RAI1: variants seen among roughly 807,000 people sequenced by gnomAD.
The protein encoded by RAI1 is retinoic acid induced 1.
RAI1 carries 9 observed loss-of-function variants against 123.8 expected under a neutral mutation model. The ratio of observed to expected loss-of-function variants is 0.07; its 90% CI spans 0.04 to 0.13. The LOEUF is 0.13. Ranked by LOEUF, RAI1 falls within the 10% of genes least tolerant of loss-of-function variation. The pLI, the probability that RAI1 is intolerant of heterozygous loss-of-function variation, is 1.00. For missense variants in RAI1, 2,256 were observed against 2,545.8 expected (o/e 0.89, Z 2.45); for synonymous variants, 1,231 against 1,127.3 (o/e 1.09, Z -1.84).
intron 1 of RAI1, among the ~76,000 whole-genome samples, chr17:17,718,337 C>T (rs1429580405): frequency 1.3e-5 from 2 of 152,210 alleles, no homozygotes; most frequent in African/African-American, 2.4e-5. Flanking sequence ...TCTCTGTACT[C>T]CCGATGCTCT....
intron 2 of RAI1, among the ~76,000 whole-genome samples, chr17:17,773,832 G>A (rs1481948486): frequency 6.6e-6 from 1 of 152,136 alleles, no homozygotes; most frequent in African/African-American, 2.4e-5. Context: ...AACTGAGTTC[G>A]AAGTTTCCAA....
chr17:17,807,246 C>T (rs979730085), intron 4 of RAI1, among the ~76,000 whole-genome samples: 6 of 2,358 alleles, frequency 2.5e-3, no homozygotes, highest in South Asian at 9.3e-3. Flanking sequence ...GCCAGCCAGG[C>T]GGTGGGGGGG....
intron 1 of RAI1, among the ~76,000 whole-genome samples, chr17:17,712,401 A>G (rs1915592206): frequency 6.6e-6 from 1 of 152,232 alleles, no homozygotes; most frequent in Admixed American, 6.5e-5. Context: ...AGGTGGGGCT[A>G]TGCTAGGTGT....
intron 2 of RAI1, among the ~76,000 whole-genome samples, chr17:17,756,676 C>T (rs967214184): frequency 2.6e-5 from 4 of 152,184 alleles, no homozygotes; most frequent in African/African-American, 9.7e-5. Flanking sequence ...CTACTACGTG[C>T]TAATCTGTCC....
chr17:17,762,391 ATGGGAGCGGGG>A lies in RAI1; in HGVS notation c.-16-30536_-16-30526del, dbSNP rs562261095. Among the ~76,000 whole-genome samples, 59 of 152,140 alleles carry A rather than the reference ATGGGAGCGGGG, an allele frequency of 3.9e-4. 1 individual carries two copies. The South Asian group carries it at 0.012, about 32-fold the overall frequency. ...GGGAGCCAGTGTGGTTGGAGTGTGC[ATGGGAGCGGGG>A]TGGGAAATGAAGCTGGGGAGGAGTA... On this transcript the variant is annotated intron_variant, in intron 2 of 5. Coordinates refer to ENST00000353383, the MANE Select transcript of RAI1 (RefSeq NM_030665.4).
At chr17:17,745,742 G>A (rs972792648) in intron 2 of RAI1, among the ~76,000 whole-genome samples, 4 of 152,206 alleles carry the variant, frequency 2.6e-5, no homozygotes, top group Admixed American at 2.0e-4. Context: ...TCCAGCATGT[G>A]TTTTTAAAAA....
At chr17:17,747,610 T>G (rs1202350195) in intron 2 of RAI1, among the ~76,000 whole-genome samples, 1 of 151,988 alleles carries the variant, frequency 6.6e-6, no homozygotes, top group Non-Finnish European at 1.5e-5. Flanking sequence ...TCAAAGATAG[T>G]TTGGTGGCAG....
chr17:17,755,809 A>T (rs1255605251), intron 2 of RAI1, among the ~76,000 whole-genome samples: 1 of 151,966 alleles, frequency 6.6e-6, no homozygotes, highest in Admixed American at 6.6e-5. Flanking sequence ...CCCGGCCTAC[A>T]CCCTGTCAAG....
In RAI1 at chr17:17,798,354, T is replaced by G. The variant is rs2032342659; in HGVS notation, c.5406T>G (p.Gly1802=). 1 of 1,605,516 alleles carries G rather than the reference T, an allele frequency of 6.2e-7. No individual in the cohort carries two copies. The highest frequency in any genetic ancestry group is 1.3e-5 in the African/African-American group (1 of 74,746). Residue 1802 remains glycine, a synonymous_variant, in exon 3 of 6, where the codon GGT becomes GGG. Coordinates refer to ENST00000353383, the MANE Select transcript of RAI1 (RefSeq NM_030665.4). ...GGEEAAPADK[G]RKHECSKEAP... ...AGGAGGCAGCCCCAGCCGACAAGGG[T>G]CGCAAACATGAGTGCAGCAAGGAGG...
chr17:17,682,095 G>A (rs900076413), intron 1 of RAI1, among the ~76,000 whole-genome samples: 2 of 150,716 alleles, frequency 1.3e-5, no homozygotes, highest in African/African-American at 4.9e-5. Context: ...GGCGCGAGGG[G>A]CGAGTGTGGC....
At chr17:17,730,783 G>T (rs930266350) in intron 2 of RAI1, among the ~76,000 whole-genome samples, 4 of 152,258 alleles carry the variant, frequency 2.6e-5, no homozygotes, top group African/African-American at 9.6e-5. Context: ...GGGGGACCGA[G>T]GCACAAGATG....
chr17:17,784,458 C>A (rs1254792992), intron 2 of RAI1, among the ~76,000 whole-genome samples: 1 of 152,254 alleles, frequency 6.6e-6, no homozygotes, highest in Non-Finnish European at 1.5e-5. Context: ...AGACGGATCT[C>A]AGCCCTGCTG....
intron 1 of RAI1, among the ~76,000 whole-genome samples, chr17:17,700,797 ACCGCGCCGGCTTCGTGCTCCC>A (rs139872882): frequency 0.073 from 11,145 of 152,120 alleles, 909 homozygotes; most frequent in African/African-American, 0.2. Flanking sequence ...CCGGCGTTCA[ACCGCGCCGGCTTCGTGCTCCC>A]CCGCGCCGTC....
rs58147049 is a variant in RAI1, at chr17:17,800,180, G to GTCTCTCTCTCTC, written c.5565+1704_5565+1715dup. Reference sequence around the variant, plus strand: ...TCTCTCCTGCTTTCTGTCTCTCTCTGTCTCTCTCTCTCTCTCTCTCTCTCT... The same window carrying GTCTCTCTCTCTC: ...TCTCTCCTGCTTTCTGTCTCTCTCTGTCTCTCTCTCTCTCTCTCTCTCTCTCTCTCTCTCTCT... On this transcript the variant is annotated intron_variant, in intron 3 of 5. Transcript: ENST00000353383. The surrounding 1 kb of genome is among the most constrained non-coding windows in gnomAD (Gnocchi z 4.7). Among the ~76,000 whole-genome samples the GTCTCTCTCTCTC allele has an allele frequency of 2.0e-3, 235 of 116,304 alleles. 6 individuals are homozygous for GTCTCTCTCTCTC. Among genetic ancestry groups the GTCTCTCTCTCTC allele is most frequent in the African/African-American group, 4.9e-3 (162 of 33,380 alleles). 76.3% of individuals were successfully genotyped at this position (116,304 alleles called of 152,430 possible).
At chr17:17,792,824 C>T (rs1380554339) in intron 2 of RAI1, 109 bp from the exon 3 acceptor site, 2 of 925,342 alleles carry the variant, frequency 2.2e-6, no homozygotes, top group African/African-American at 1.6e-5. Context: ...AGGGTGCTTT[C>T]TGAGGCAAAA....
At position 17,787,160 on chromosome 17, in the gene RAI1, G is replaced by A. The variant is rs560064290; in HGVS notation, c.-16-5773G>A. Among the ~76,000 whole-genome samples the A allele has an allele frequency of 2.0e-5, 3 of 152,366 alleles. No homozygotes were observed. The East Asian group carries it at 5.8e-4, about 29-fold the overall frequency. On this transcript the variant is annotated intron_variant, in intron 2 of 5. Transcript: ENST00000353383. ...GGCTTGGGGTGGGGAGAATGGAGCT[G>A]GCTGGGAGCACCTCTGTGGGTCCCA...
intron 2 of RAI1, among the ~76,000 whole-genome samples, chr17:17,785,585 G>C (rs1261517497): frequency 6.6e-6 from 1 of 152,274 alleles, no homozygotes. Flanking sequence ...TTGGGGTGGC[G>C]CCTCGCCCGG....
At chr17:17,802,103 C>G (rs1396237341) in intron 3 of RAI1, 1 of 471,044 alleles carries the variant, frequency 2.1e-6, no homozygotes, top group Admixed American at 2.3e-5. Flanking sequence ...GTTTGCTTCA[C>G]TCTTCCAAGG....
At chr17:17,747,654 G>A (rs2029979407) in intron 2 of RAI1, among the ~76,000 whole-genome samples, 1 of 152,186 alleles carries the variant, frequency 6.6e-6, no homozygotes, top group South Asian at 2.1e-4. Context: ...GACTGATTGG[G>A]TTGGAGCTGC....
Sources: gnomAD v4.1 joint callset for allele counts (sites outside exome capture counted in the v4.1 genomes callset) on GRCh38, gnomAD v4.1.1 for gene constraint, Gnocchi (gnomAD v3.1) non-coding constraint, MANE v1.5 for transcripts, NCBI Gene and HGNC (gene_info 2026-07-23, HGNC 2026-07-21) for gene names.